The following B3GALT1 variants were observed in gnomAD, a reference collection of about 807,000 sequenced individuals.
B3GALT1 encodes the protein UDP-Gal:betaGlcNAc beta 1,3-galactosyltransferase, polypeptide 1.
B3GALT1 carries 10 observed loss-of-function variants against 23.2 expected under a neutral mutation model. That is an observed-to-expected ratio of 0.43 (90% CI 0.27 to 0.73). The LOEUF (loss-of-function observed/expected upper bound fraction) is 0.73, where lower values mean the gene tolerates loss of function less well. B3GALT1 is among the 30% of genes least tolerant of loss of function. B3GALT1 has a pLI of 0.21. For synonymous variants in B3GALT1, 156 were observed against 141.5 expected, an observed-to-expected ratio of 1.10 and a Z score of -0.73; for missense variants, 299 against 405.4, an observed-to-expected ratio of 0.74 and a Z score of 2.25.
At chr2:167,347,136 TTATGGATTCTAA>T (rs1697233261) in intron 1 of B3GALT1, among the ~76,000 whole-genome samples, 1 of 152,180 alleles carries the variant, frequency 6.6e-6, no homozygotes, top group Admixed American at 6.6e-5. Context: ...TGTTCTAATC[TTATGGATTCTAA>T]TAAAAGTATT....
rs577158777 is a variant in B3GALT1 at position 167,328,985 on chromosome 2, G to T, written c.-511+35651G>T. ...GCACCACCACGCCTGGCTGATTTTT[G>T]TATTTTTAGTAGAGACAGGGTTTCA... is the stretch of plus-strand genomic sequence containing the variant. On this transcript the variant is annotated intron_variant, in intron 1 of 4. Coordinates refer to ENST00000392690, the MANE Select transcript of B3GALT1 (RefSeq NM_020981.4). 2.6e-3 allele frequency among the ~76,000 whole-genome samples: 389 copies of T among 151,662 alleles called. 4 individuals are homozygous for T. The highest frequency in any genetic ancestry group is 8.9e-3 in the African/African-American group (367 of 41,368).
intron 2 of B3GALT1, among the ~76,000 whole-genome samples, chr2:167,565,159 A>T (rs1278419048): frequency 1.3e-5 from 2 of 152,190 alleles, no homozygotes; most frequent in African/African-American, 4.8e-5. Flanking sequence ...CAAAACAGAG[A>T]TATAGATCAA....
chr2:167,415,667 G>A (rs1263312017), intron 1 of B3GALT1, among the ~76,000 whole-genome samples: 2 of 152,140 alleles, frequency 1.3e-5, no homozygotes, highest in African/African-American at 4.8e-5. Flanking sequence ...TTAGAGATTG[G>A]TTAACTAGTT....
intron 2 of B3GALT1, among the ~76,000 whole-genome samples, chr2:167,497,103 T>C (rs1699792912): frequency 6.6e-6 from 1 of 152,212 alleles, no homozygotes; most frequent in African/African-American, 2.4e-5. Context: ...TTAAATGATA[T>C]TTTGTTATAA....
chr2:167,314,306 C>T (rs185795789), intron 1 of B3GALT1, among the ~76,000 whole-genome samples: 363 of 152,276 alleles, frequency 2.4e-3, no homozygotes, highest in Middle Eastern at 0.01. Context: ...AATAATTTAA[C>T]GTGGCTTCCT....
At chr2:167,561,722 C>T (rs1226202130) in intron 2 of B3GALT1, among the ~76,000 whole-genome samples, 6 of 152,172 alleles carry the variant, frequency 3.9e-5, no homozygotes, top group Non-Finnish European at 8.8e-5. Context: ...TGGATAAATT[C>T]CTTGACACAT....
At chr2:167,554,309 TG>T (rs1273330503) in intron 2 of B3GALT1, among the ~76,000 whole-genome samples, 2 of 152,226 alleles carry the variant, frequency 1.3e-5, no homozygotes, top group Non-Finnish European at 2.9e-5. Context: ...TTAGTTGCTA[TG>T]CTGTACAAGT....
chr2:167,606,327 C>T (rs1158445593), intron 2 of B3GALT1, among the ~76,000 whole-genome samples: 1 of 152,152 alleles, frequency 6.6e-6, no homozygotes, highest in Non-Finnish European at 1.5e-5. Context: ...ACTATTATCA[C>T]AACTAAATTT....
At chr2:167,590,031 C>T (rs926247305) in intron 2 of B3GALT1, among the ~76,000 whole-genome samples, 10 of 151,998 alleles carry the variant, frequency 6.6e-5, no homozygotes, top group African/African-American at 2.2e-4. Flanking sequence ...AGCTGCTAAC[C>T]ACCTTACATC....
chr2:167,734,613 G>GCAGT (rs1326574867), intron 3 of B3GALT1, among the ~76,000 whole-genome samples: 1 of 152,160 alleles, frequency 6.6e-6, no homozygotes, highest in Admixed American at 6.5e-5. Context: ...AACAGCCTTG[G>GCAGT]CAGTCACTTT....
In B3GALT1 at chr2:167,746,758, G is replaced by A. The variant is rs534329465; in HGVS notation, c.-351-71914G>A. ...TGCCATTATGAAATGTGTTTTTAAAGCTCAACATATTATGTGTAATAGCCC... is the reference window on the plus strand; with the variant it reads ...TGCCATTATGAAATGTGTTTTTAAAACTCAACATATTATGTGTAATAGCCC... On this transcript the variant is annotated intron_variant, in intron 3 of 4. Coordinates refer to ENST00000392690, the MANE Select transcript of B3GALT1 (RefSeq NM_020981.4). 3.6e-3 allele frequency among the ~76,000 whole-genome samples: 548 copies of A among 152,200 alleles called. 2 individuals are homozygous for A. Among genetic ancestry groups the A allele is most frequent in the Non-Finnish European group, 6.3e-3 (431 of 67,972 alleles).
chr2:167,693,962 G>T (rs530694527), intron 3 of B3GALT1, among the ~76,000 whole-genome samples: 5 of 152,058 alleles, frequency 3.3e-5, no homozygotes, highest in African/African-American at 1.2e-4. Context: ...CCGTTGTCTG[G>T]GGTTCCTTAT....
At chr2:167,439,543 T>A (rs1452220154) in intron 1 of B3GALT1, among the ~76,000 whole-genome samples, 1 of 151,974 alleles carries the variant, frequency 6.6e-6, no homozygotes, top group Non-Finnish European at 1.5e-5. Context: ...AGCTTATTTC[T>A]CTTTTTTATT....
intron 1 of B3GALT1, among the ~76,000 whole-genome samples, chr2:167,455,394 T>TA (rs1204411006): frequency 6.6e-6 from 1 of 152,214 alleles, no homozygotes; most frequent in Non-Finnish European, 1.5e-5. Flanking sequence ...TATATATATT[T>TA]AGTTCTGTTG....
chr2:167,357,210 A>G (rs1697430050), intron 1 of B3GALT1, among the ~76,000 whole-genome samples: 1 of 152,040 alleles, frequency 6.6e-6, no homozygotes, highest in African/African-American at 2.4e-5. Flanking sequence ...TTATCTTGAT[A>G]ATTTTTTTGT....
intron 2 of B3GALT1, among the ~76,000 whole-genome samples, chr2:167,559,996 A>G (rs916356500): frequency 3.3e-5 from 5 of 152,182 alleles, no homozygotes; most frequent in African/African-American, 1.2e-4. Flanking sequence ...TCCAAGACAC[A>G]TAATAGTCAG....
At chr2:167,327,926 C>T (rs891235994) in intron 1 of B3GALT1, among the ~76,000 whole-genome samples, 10 of 152,158 alleles carry the variant, frequency 6.6e-5, no homozygotes, top group Non-Finnish European at 1.5e-4. Flanking sequence ...GAATTTTTAT[C>T]ATGACGTGAT....
At chr2:167,661,214 TAC>T in intron 3 of B3GALT1, among the ~76,000 whole-genome samples, 1 of 152,238 alleles carries the variant, frequency 6.6e-6, no homozygotes, top group East Asian at 1.9e-4. Context: ...ATCCCTCAAT[TAC>T]AGTGTGTGAA....
Position 167,872,026 on chromosome 2 carries a change from C to T in B3GALT1, c.*2006C>T, listed in dbSNP as rs541541706. 1.8e-4 allele frequency: 27 copies of T among 150,640 alleles called. No homozygotes were observed. The highest frequency in any genetic ancestry group is 1.2e-3 in the Admixed American group (18 of 15,100). 9.3% of individuals were successfully genotyped at this position (150,640 alleles called of 1,614,324 possible). A position where few individuals can be genotyped will look rare whatever the true frequency, so the allele number is the denominator to read the frequency against. ...ACGCCATTCTCCTGCCTCAGCCTCCCGAGTAGCTGGGACTACAGGCGCCCG... is the reference window on the plus strand; with the variant it reads ...ACGCCATTCTCCTGCCTCAGCCTCCTGAGTAGCTGGGACTACAGGCGCCCG... On this transcript the variant is annotated 3_prime_UTR_variant, in exon 5 of 5. Transcript: ENST00000392690.
Sources: allele counts gnomAD v4.1 joint callset (sites outside exome capture counted in the v4.1 genomes callset), GRCh38; gene constraint gnomAD v4.1.1; transcripts MANE v1.5; gene names NCBI Gene and HGNC (gene_info 2026-07-23, HGNC 2026-07-21).